ADAMTS20: variants seen among roughly 807,000 people sequenced by gnomAD.
The protein encoded by ADAMTS20 is ADAM metallopeptidase with thrombospondin type 1 motif 20, also known as A disintegrin and metalloproteinase with thrombospondin motifs 20.
A neutral mutation model predicts 260.1 loss-of-function variants in ADAMTS20; 225 were observed. The ratio of observed to expected loss-of-function variants is 0.87; its 90% CI spans 0.78 to 0.97. The LOEUF (loss-of-function observed/expected upper bound fraction) is 0.97, where lower values mean the gene tolerates loss of function less well. Among genes scored for constraint, ADAMTS20 ranks in the 50% least tolerant of loss-of-function variants. The pLI is 0.00. For missense variants in ADAMTS20, 2,400 were observed against 2,337.7 expected (o/e 1.03, Z -0.55); for synonymous variants, 802 against 769.5 (o/e 1.04, Z -0.70).
intron 8 of ADAMTS20, among the ~76,000 whole-genome samples, chr12:43,468,383 A>T (rs1424460996): frequency 6.6e-6 from 1 of 152,176 alleles, no homozygotes; most frequent in African/African-American, 2.4e-5. Flanking sequence ...AGAACTCCCA[A>T]GTTCTAGTTC....
intron 28 of ADAMTS20, chr12:43,423,155 GAA>G (rs1941266122): frequency 6.6e-6 from 1 of 152,170 alleles, no homozygotes; most frequent in South Asian, 2.1e-4. Context: ...ACTTTTCCCA[GAA>G]AAAGTTAGAT....
intron 28 of ADAMTS20, among the ~76,000 whole-genome samples, chr12:43,424,920 C>T (rs1219037451): frequency 2.0e-5 from 3 of 151,748 alleles, no homozygotes; most frequent in African/African-American, 7.3e-5. Context: ...ACCAAGAGGG[C>T]CAATGATATA....
chr12:43,401,582 T>A (rs1379886255), intron 28 of ADAMTS20, among the ~76,000 whole-genome samples: 1 of 151,938 alleles, frequency 6.6e-6, no homozygotes, highest in Non-Finnish European at 1.5e-5. Context: ...TAACTTTAGG[T>A]CATCTTTGCT....
intron 7 of ADAMTS20, among the ~76,000 whole-genome samples, chr12:43,487,582 A>C (rs905011595): frequency 1.4e-5 from 1 of 70,312 alleles, no homozygotes; most frequent in Non-Finnish European, 3.2e-5. Context: ...CTATTGAAAT[A>C]AAAAAATTAA....
At position 43,501,809 on chromosome 12, in the gene ADAMTS20, G is replaced by A. The variant is rs191376296; in HGVS notation, c.867+343C>T. On this transcript the variant is annotated intron_variant, in intron 4 of 38. Transcript: ENST00000389420. Reference sequence around the variant, plus strand: ...CCCCTCTGTGCAGAAATAGGGTAAGGTTTTAAAATTCAGTTTCAAAGAGCA... The same window carrying A: ...CCCCTCTGTGCAGAAATAGGGTAAGATTTTAAAATTCAGTTTCAAAGAGCA... Among the ~76,000 whole-genome samples, 143 of 152,194 alleles carry A rather than the reference G, an allele frequency of 9.4e-4. 1 individual carries two copies. In the East Asian group the frequency reaches 0.018, roughly 19 times the overall value.
chr12:43,505,297 T>C (rs1029147227), intron 3 of ADAMTS20, among the ~76,000 whole-genome samples: 5 of 152,036 alleles, frequency 3.3e-5, no homozygotes, highest in Non-Finnish European at 5.9e-5. Context: ...TGGGACTACA[T>C]CAAACTTAAA....
At chr12:43,394,778 C>G (rs187386716) in intron 29 of ADAMTS20, among the ~76,000 whole-genome samples, 33 of 152,176 alleles carry the variant, frequency 2.2e-4, no homozygotes, top group African/African-American at 7.2e-4. Context: ...GAAAGCTCAA[C>G]TAGACCTCTG....
intron 2 of ADAMTS20, among the ~76,000 whole-genome samples, chr12:43,539,269 G>A (rs1417818398): frequency 6.6e-6 from 1 of 152,048 alleles, no homozygotes. Flanking sequence ...ACATTCTTAA[G>A]TTATGGTACT....
chr12:43,381,378 C>T (rs905687795), intron 31 of ADAMTS20, among the ~76,000 whole-genome samples: 13 of 151,954 alleles, frequency 8.6e-5, no homozygotes, highest in Admixed American at 1.3e-4. Context: ...TTCATCAAAG[C>T]ATACTATTAA....
intron 2 of ADAMTS20, among the ~76,000 whole-genome samples, chr12:43,538,588 T>C (rs546259834): frequency 6.6e-6 from 1 of 152,336 alleles, no homozygotes; most frequent in South Asian, 2.1e-4. Flanking sequence ...AAAAAATTTT[T>C]GCCCAGCCCA....
chr12:43,404,863 A>G (rs1940882277), intron 28 of ADAMTS20, among the ~76,000 whole-genome samples: 1 of 152,116 alleles, frequency 6.6e-6, no homozygotes, highest in African/African-American at 2.4e-5. Flanking sequence ...ACCTTCATAC[A>G]TGTTTCCTTC....
intron 6 of ADAMTS20, 132 bp downstream of exon 6, chr12:43,492,373 C>G: frequency 1.8e-6 from 2 of 1,132,142 alleles, no homozygotes; most frequent in Non-Finnish European, 2.4e-6. Context: ...GAGCGAGACT[C>G]TGTCTCAAAA....
At chr12:43,490,985 A>G (rs1339581374) in intron 6 of ADAMTS20, among the ~76,000 whole-genome samples, 1 of 152,070 alleles carries the variant, frequency 6.6e-6, no homozygotes, top group Non-Finnish European at 1.5e-5. Flanking sequence ...AATCCAAGGA[A>G]GAACCATGGA....
At chr12:43,534,706 T>C (rs1383789274) in intron 2 of ADAMTS20, among the ~76,000 whole-genome samples, 1 of 152,052 alleles carries the variant, frequency 6.6e-6, no homozygotes, top group Admixed American at 6.6e-5. Context: ...ATGCATATCA[T>C]TACACCAAAA....
At position 43,376,254 on chromosome 12, in the gene ADAMTS20, A is replaced by G. The variant is rs1940224948; in HGVS notation, c.5202T>C (p.Ile1734=). The part of the protein sequence containing the change: ...IRKDGDYYLN[I]KGRIIKIYCA... ...ATAATACCTTTATTATTCTTCCCTT[A>G]ATGTTAAGGTAATAGTCACCATCCT... Residue 1734 remains isoleucine, a synonymous_variant, in exon 34 of 39, where the codon ATT becomes ATC. Coordinates refer to ENST00000389420, the MANE Select transcript of ADAMTS20 (RefSeq NM_025003.5). 6.5e-7 allele frequency: 1 copy of G among 1,550,362 alleles called. No homozygotes were observed. Among genetic ancestry groups the G allele is most frequent in the African/African-American group, 1.4e-5 (1 of 73,230 alleles).
At chr12:43,430,548 C>G in intron 22 of ADAMTS20, 77 bp from the exon 23 acceptor site, 1 of 1,321,368 alleles carries the variant, frequency 7.6e-7, no homozygotes, top group Non-Finnish European at 1.0e-6. Context: ...TAATGAATAC[C>G]CTGTTAATAA....
chr12:43,442,005 A>C (rs1044524066), intron 16 of ADAMTS20, among the ~76,000 whole-genome samples: 3 of 152,214 alleles, frequency 2.0e-5, no homozygotes, highest in Non-Finnish European at 4.4e-5. Flanking sequence ...TCTGCGCTTT[A>C]TCAAATGTGG....
intron 37 of ADAMTS20, among the ~76,000 whole-genome samples, chr12:43,362,218 A>G (rs1390973781): frequency 6.6e-6 from 1 of 152,220 alleles, no homozygotes; most frequent in Non-Finnish European, 1.5e-5. Flanking sequence ...CCACATATCA[A>G]GGAAAAAACT....
chr12:43,352,977 A>C (rs1939668084), downstream of ADAMTS20, among the ~76,000 whole-genome samples: 1 of 152,172 alleles, frequency 6.6e-6, no homozygotes, highest in African/African-American at 2.4e-5. Flanking sequence ...GGTACAATAC[A>C]TCTGTAATAA....
Sources: gnomAD v4.1 joint callset for allele counts (sites outside exome capture counted in the v4.1 genomes callset) on GRCh38, gnomAD v4.1.1 for gene constraint, MANE v1.5 for transcripts, NCBI Gene and HGNC (gene_info 2026-07-23, HGNC 2026-07-21) for gene names.